CACNA1C: variants seen among roughly 807,000 people sequenced by gnomAD.
CACNA1C encodes the protein calcium voltage-gated channel subunit alpha1 C.
A neutral mutation model predicts 229.0 loss-of-function variants in CACNA1C; 30 were observed. The observed-to-expected ratio is 0.13, with a 90% confidence interval of 0.10 to 0.18. The LOEUF is 0.18. CACNA1C is among the 10% of genes least tolerant of loss of function. The probability of loss-of-function intolerance (pLI) is 1.00; values close to 1 mark genes in which losing one functional copy is unlikely to be tolerated. For missense variants in CACNA1C, 1,658 were observed against 2,845.0 expected, an observed-to-expected ratio of 0.58 and a Z score of 9.49; for synonymous variants, 1,114 against 1,132.5, an observed-to-expected ratio of 0.98 and a Z score of 0.33.
At chr12:2,680,679 G>A (rs981461294) in intron 42 of CACNA1C, 16 of 968,446 alleles carry the variant, frequency 1.7e-5, no homozygotes, top group African/African-American at 9.7e-5. Flanking sequence ...CACACCTGCC[G>A]CTGGCCTGCC....
intron 38 of CACNA1C, 76 bp downstream of exon 38, chr12:2,669,111 CA>C (rs1348343404): frequency 9.8e-7 from 1 of 1,023,572 alleles, no homozygotes; most frequent in African/African-American, 1.6e-5. Flanking sequence ...CGGCAGCCTG[CA>C]AAGTGCTCAA....
intron 11 of CACNA1C, among the ~76,000 whole-genome samples, chr12:2,559,924 A>G (rs2046559053): frequency 6.6e-6 from 1 of 152,258 alleles, no homozygotes; most frequent in African/African-American, 2.4e-5. Flanking sequence ...TTTGATTTAA[A>G]CCAGTATCTC....
In CACNA1C at chr12:2,287,541, C is replaced by T. The variant is rs1021176553; in HGVS notation, c.478-161435C>T. On this transcript the variant is annotated intron_variant, in intron 3 of 46. Transcript: ENST00000399655. This position sits in a 1 kb window ranked among gnomAD's most constrained non-coding sequence, Gnocchi z 4.6. ...AGAAGCTCCCTCCAATTCTGTGATT[C>T]TGGGTAAAGCAGACCATGTGCCATC... 2.6e-5 allele frequency among the ~76,000 whole-genome samples: 4 copies of T among 152,156 alleles called. No homozygotes were observed. The highest frequency in any genetic ancestry group is 9.7e-5 in the African/African-American group (4 of 41,428).
At chr12:2,637,243 T>A (rs113196809) in intron 30 of CACNA1C, among the ~76,000 whole-genome samples, 68 of 152,278 alleles carry the variant, frequency 4.5e-4, no homozygotes, top group African/African-American at 1.6e-3. Flanking sequence ...GTTTTGAAGC[T>A]CAAATAAGAG....
In CACNA1C at chr12:2,606,933, G is replaced by A. The variant is rs370257652; in HGVS notation, c.3210-51G>A. The A allele has an allele frequency of 6.0e-5, 95 of 1,595,816 alleles. 1 individual carries two copies. The African/African-American group carries it at 7.6e-4, about 13-fold the overall frequency. On this transcript the variant is annotated intron_variant, in intron 25 of 46. Transcript: ENST00000399655. Reference sequence around the variant, plus strand: ...ATTCAAGGTCACTGGCAGGCCAGGCGTGAAGGAAGATGGGAGATCCCAGAG... The same window carrying A: ...ATTCAAGGTCACTGGCAGGCCAGGCATGAAGGAAGATGGGAGATCCCAGAG...
intron 10 of CACNA1C, among the ~76,000 whole-genome samples, chr12:2,555,588 T>A (rs1347714431): frequency 6.6e-6 from 1 of 152,204 alleles, no homozygotes; most frequent in Non-Finnish European, 1.5e-5. Flanking sequence ...ACTGTGGCTG[T>A]AAATAACAAT....
intron 3 of CACNA1C, among the ~76,000 whole-genome samples, chr12:2,161,367 CAG>C (rs1402094151): frequency 1.3e-5 from 2 of 152,248 alleles, no homozygotes; most frequent in South Asian, 2.1e-4. Context: ...GGGCTCCAGA[CAG>C]GGGCAGAGCA....
chr12:2,592,023 A>G (rs925738698), intron 18 of CACNA1C, among the ~76,000 whole-genome samples: 1 of 152,210 alleles, frequency 6.6e-6, no homozygotes, highest in Non-Finnish European at 1.5e-5. Context: ...TAACTTCTTC[A>G]TAACCAATTA....
chr12:2,012,203 G>T (rs7959384), intron 1 of CACNA1C, among the ~76,000 whole-genome samples: 13,567 of 152,180 alleles, frequency 0.089, 962 homozygotes, highest in East Asian at 0.39. Flanking sequence ...GTGGGGACTA[G>T]GGGGTAGAGG....
intron 3 of CACNA1C, among the ~76,000 whole-genome samples, chr12:2,359,825 G>A (rs1268787806): frequency 6.6e-6 from 1 of 152,070 alleles, no homozygotes; most frequent in Non-Finnish European, 1.5e-5. Flanking sequence ...CACTTAAAGT[G>A]GGAGGTAGGG....
In CACNA1C at chr12:2,021,955, G is replaced by C. The variant is rs117949479; in HGVS notation, c.139+50754G>C. 4.8e-3 allele frequency among the ~76,000 whole-genome samples: 726 copies of C among 152,288 alleles called. 12 individuals carry two copies. The highest frequency in any genetic ancestry group is 0.026 in the South Asian group (123 of 4,818). Reference sequence around the variant, plus strand: ...GGGGGACACAGTCAGACTATCGCAAGTACAGCAGGTCTTTGAATACATTTA... The same window carrying C: ...GGGGGACACAGTCAGACTATCGCAACTACAGCAGGTCTTTGAATACATTTA... On this transcript the variant is annotated intron_variant, in intron 1 of 46. Transcript: ENST00000682462.
At chr12:2,662,353 T>C (rs2095806237) in intron 34 of CACNA1C, among the ~76,000 whole-genome samples, 1 of 152,116 alleles carries the variant, frequency 6.6e-6, no homozygotes, top group Admixed American at 6.5e-5. Flanking sequence ...CAAGAAAAAT[T>C]ACAGAAAATT....
chr12:2,451,412 G>A (rs1053215298), intron 4 of CACNA1C, among the ~76,000 whole-genome samples: 1 of 152,222 alleles, frequency 6.6e-6, no homozygotes, highest in Non-Finnish European at 1.5e-5. Context: ...ACCAGTGGAG[G>A]GATGAGGGTG....
chr12:2,065,810 C>T (rs928585289), intron 1 of CACNA1C, among the ~76,000 whole-genome samples: 5 of 151,964 alleles, frequency 3.3e-5, no homozygotes, highest in Admixed American at 2.6e-4. Flanking sequence ...GGTGGGATGG[C>T]CTGTAATGTA....
chr12:2,003,147 C>T (rs2042577858), intron 1 of CACNA1C, among the ~76,000 whole-genome samples: 1 of 152,084 alleles, frequency 6.6e-6, no homozygotes, highest in Non-Finnish European at 1.5e-5. Flanking sequence ...CCCATTCTTG[C>T]TTGTCTTTTT....
At chr12:2,251,487 T>C (rs1013515752) in intron 3 of CACNA1C, among the ~76,000 whole-genome samples, 3 of 152,134 alleles carry the variant, frequency 2.0e-5, no homozygotes, top group African/African-American at 7.2e-5. Context: ...TTGAGGTAGG[T>C]CAGGGAGGCC....
chr12:2,293,751 C>T (rs150545988), intron 3 of CACNA1C, among the ~76,000 whole-genome samples: 251 of 152,278 alleles, frequency 1.6e-3, no homozygotes, highest in Middle Eastern at 3.4e-3. Flanking sequence ...TATGTATGTA[C>T]TTCATTTTCC....
intron 29 of CACNA1C, among the ~76,000 whole-genome samples, chr12:2,627,083 A>C (rs754849695): frequency 6.6e-6 from 1 of 152,092 alleles, no homozygotes; most frequent in Non-Finnish European, 1.5e-5. Context: ...GGGTCCTCTC[A>C]CGAGGCAAGC....
intron 11 of CACNA1C, among the ~76,000 whole-genome samples, chr12:2,560,480 G>A (rs2046863089): frequency 6.6e-6 from 1 of 152,158 alleles, no homozygotes; most frequent in South Asian, 2.1e-4. Flanking sequence ...TTCACTTAGA[G>A]GAATTAGTTA....
Sources: gnomAD v4.1 joint callset for allele counts (sites outside exome capture counted in the v4.1 genomes callset) on GRCh38, gnomAD v4.1.1 for gene constraint, Gnocchi (gnomAD v3.1) non-coding constraint, MANE v1.5 for transcripts, NCBI Gene and HGNC (gene_info 2026-07-23, HGNC 2026-07-21) for gene names.